Variants in RBFOX1 observed in about 807,000 individuals in gnomAD.
RBFOX1 encodes RNA binding fox-1 homolog 1.
Under a neutral mutation model 57.7 loss-of-function variants are expected in RBFOX1, and 8 were observed. The ratio of observed to expected loss-of-function variants is 0.14; its 90% CI spans 0.08 to 0.25. The LOEUF is 0.25. Among genes scored for constraint, RBFOX1 ranks in the 10% least tolerant of loss-of-function variants. RBFOX1 has a pLI of 1.00. For missense variants in RBFOX1, 611 were observed against 548.5 expected (o/e 1.11, Z -1.14); for synonymous variants, 326 against 222.4 (o/e 1.47, Z -4.15).
chr16:6,897,156 C>T (rs1039311284), intron 3 of RBFOX1, among the ~76,000 whole-genome samples: 1 of 152,192 alleles, frequency 6.6e-6, no homozygotes, highest in Non-Finnish European at 1.5e-5. Flanking sequence ...CCCAAGCTGA[C>T]ACAGCGGCTG....
At chr16:6,343,709 G>A (rs2084909202) in intron 2 of RBFOX1, among the ~76,000 whole-genome samples, 1 of 152,176 alleles carries the variant, frequency 6.6e-6, no homozygotes, top group Admixed American at 6.5e-5. Flanking sequence ...ACAAATGCAT[G>A]TCAAACTTCC....
intron 3 of RBFOX1, among the ~76,000 whole-genome samples, chr16:5,850,511 C>T (rs2056868742): frequency 6.6e-6 from 1 of 152,178 alleles, no homozygotes; most frequent in East Asian, 1.9e-4. Context: ...ACCATCATTG[C>T]AGTAGTAGTG....
chr16:7,335,790 C>G (rs752118842), intron 4 of RBFOX1, among the ~76,000 whole-genome samples: 10 of 152,180 alleles, frequency 6.6e-5, no homozygotes, highest in Admixed American at 3.9e-4. Context: ...TTAGGAAAAT[C>G]AGAATCTTTA....
chr16:6,959,110 C>T (rs1307673800), intron 3 of RBFOX1, among the ~76,000 whole-genome samples: 1 of 152,048 alleles, frequency 6.6e-6, no homozygotes, highest in African/African-American at 2.4e-5. Flanking sequence ...TTTCTATCGG[C>T]TTTGTCTTTT....
At chr16:6,657,311 G>C (rs2098666074) in intron 3 of RBFOX1, among the ~76,000 whole-genome samples, 1 of 152,006 alleles carries the variant, frequency 6.6e-6, no homozygotes, top group Non-Finnish European at 1.5e-5. Context: ...CAATTGTTAA[G>C]AAGAGATTGG....
At chr16:7,511,393 A>T (rs1257985583) in intron 4 of RBFOX1, among the ~76,000 whole-genome samples, 1 of 152,008 alleles carries the variant, frequency 6.6e-6, no homozygotes, top group East Asian at 1.9e-4. Context: ...CTCTCATCTT[A>T]TTTTCTCTCT....
At chr16:5,289,878 A>T (rs1047687319) in intron 1 of RBFOX1, among the ~76,000 whole-genome samples, 2 of 152,254 alleles carry the variant, frequency 1.3e-5, no homozygotes, top group African/African-American at 4.8e-5. Flanking sequence ...ACTCCAGTTT[A>T]TGAAAGAAAT....
intron 1 of RBFOX1, among the ~76,000 whole-genome samples, chr16:5,413,264 A>G (rs2067072222): frequency 6.6e-6 from 1 of 152,136 alleles, no homozygotes; most frequent in Non-Finnish European, 1.5e-5. Context: ...TCTAATATTA[A>G]CAAGGCATCC....
intron 2 of RBFOX1, among the ~76,000 whole-genome samples, chr16:6,334,937 G>A (rs1315480772): frequency 6.6e-6 from 1 of 152,162 alleles, no homozygotes; most frequent in East Asian, 1.9e-4. Context: ...ATTTTAAGAT[G>A]ACCTGGTTTC....
chr16:6,208,042 G>A (rs2097266832), intron 1 of RBFOX1, among the ~76,000 whole-genome samples: 1 of 151,854 alleles, frequency 6.6e-6, no homozygotes, highest in Admixed American at 6.6e-5. Context: ...ACATATATAT[G>A]TGTATATATA....
chr16:6,722,787 T>A (rs1324131642), intron 3 of RBFOX1, among the ~76,000 whole-genome samples: 1 of 152,208 alleles, frequency 6.6e-6, no homozygotes, highest in Non-Finnish European at 1.5e-5. Context: ...TCTTCATTTT[T>A]ACATTATTTA....
At chr16:7,648,044 T>C (rs747258107) in intron 11 of RBFOX1, among the ~76,000 whole-genome samples, 2 of 152,164 alleles carry the variant, frequency 1.3e-5, no homozygotes, top group Non-Finnish European at 2.9e-5. Flanking sequence ...ACCACACCTG[T>C]AGGCAAATAA....
intron 3 of RBFOX1, among the ~76,000 whole-genome samples, chr16:6,713,904 A>T (rs565577492): frequency 6.6e-6 from 1 of 152,206 alleles, no homozygotes; most frequent in African/African-American, 2.4e-5. Context: ...GGAAGATATC[A>T]TCCTTTTCTC....
At chr16:7,116,777 C>T (rs1448217007) in intron 4 of RBFOX1, among the ~76,000 whole-genome samples, 1 of 152,134 alleles carries the variant, frequency 6.6e-6, no homozygotes, top group Non-Finnish European at 1.5e-5. Context: ...TGACCACCTC[C>T]TTGATGCCAG....
At chr16:7,602,877 T>C (rs1352217660) in intron 9 of RBFOX1, among the ~76,000 whole-genome samples, 1 of 152,230 alleles carries the variant, frequency 6.6e-6, no homozygotes, top group Non-Finnish European at 1.5e-5. Flanking sequence ...ATCTAAACTA[T>C]ATCAAGTATT....
intron 1 of RBFOX1, among the ~76,000 whole-genome samples, chr16:5,381,973 C>G (rs903006751): frequency 6.6e-6 from 1 of 152,192 alleles, no homozygotes; most frequent in Non-Finnish European, 1.5e-5. Context: ...GCATTCCTGT[C>G]CTCTACTCAG....
intron 4 of RBFOX1, among the ~76,000 whole-genome samples, chr16:7,195,955 CT>C (rs1437156052): frequency 6.6e-6 from 1 of 152,018 alleles, no homozygotes; most frequent in Admixed American, 6.5e-5. Flanking sequence ...TCATTCTCTA[CT>C]GCCACACTGC....
intron 3 of RBFOX1, among the ~76,000 whole-genome samples, chr16:6,988,851 A>G (rs756435727): frequency 2.6e-4 from 40 of 150,972 alleles, no homozygotes; most frequent in Non-Finnish European, 5.3e-4. Context: ...GGCTCACTGC[A>G]TCCTCTCCCT....
chr16:5,691,115 T>C (rs2050663935), intron 3 of RBFOX1, among the ~76,000 whole-genome samples: 1 of 152,216 alleles, frequency 6.6e-6, no homozygotes, highest in Non-Finnish European at 1.5e-5. Context: ...GGTCTAATTA[T>C]TTGGATGCTT....
Sources: allele counts gnomAD v4.1 joint callset (sites outside exome capture counted in the v4.1 genomes callset), GRCh38; gene constraint gnomAD v4.1.1; transcripts MANE v1.5; gene names NCBI Gene and HGNC (gene_info 2026-07-23, HGNC 2026-07-21).